The following PCDH15 variants were observed in gnomAD, a reference collection of about 807,000 sequenced individuals.
PCDH15 encodes the protein protocadherin related 15.
A neutral mutation model predicts 178.5 loss-of-function variants in PCDH15; 129 were observed. The ratio of observed to expected loss-of-function variants is 0.72; its 90% CI spans 0.63 to 0.84. The LOEUF is 0.84. PCDH15 is among the 40% of genes least tolerant of loss of function. The probability of loss-of-function intolerance (pLI) is 0.00; values close to 1 mark genes in which losing one functional copy is unlikely to be tolerated. For missense variants in PCDH15, 2,230 were observed against 2,099.9 expected (o/e 1.06, Z -1.21); for synonymous variants, 800 against 732.0 (o/e 1.09, Z -1.50).
intron 8 of PCDH15, among the ~76,000 whole-genome samples, chr10:54,242,426 C>T (rs1165270342): frequency 6.6e-6 from 1 of 151,460 alleles, no homozygotes; most frequent in African/African-American, 2.4e-5. Context: ...ATCCATAGAA[C>T]AATAAGATTT....
chr10:55,159,067 C>A (rs987937303), intron 2 of PCDH15, among the ~76,000 whole-genome samples: 15 of 151,862 alleles, frequency 9.9e-5, no homozygotes, highest in African/African-American at 3.6e-4. Flanking sequence ...GGCTGATGTC[C>A]TCAGTGGCTA....
intron 1 of PCDH15, among the ~76,000 whole-genome samples, chr10:55,258,758 C>CTTTTTTTTTTTTT (rs11398382): frequency 9.2e-6 from 1 of 108,160 alleles, no homozygotes; most frequent in Non-Finnish European, 1.8e-5. Flanking sequence ...TGTTTGTCTG[C>CTTTTTTTTTTTTT]TTTTTTTTTT....
intron 32 of PCDH15, chr10:53,822,869 T>G: frequency 1.9e-5 from 31 of 1,614,120 alleles, no homozygotes; most frequent in Non-Finnish European, 2.6e-5. Flanking sequence ...TGCTGCTACC[T>G]CTTTTGTTTG....
At chr10:55,221,609 C>T (rs2035084089) in intron 1 of PCDH15, among the ~76,000 whole-genome samples, 1 of 151,990 alleles carries the variant, frequency 6.6e-6, no homozygotes, top group South Asian at 2.1e-4. Flanking sequence ...TCATAAGATA[C>T]ATTCATTAAG....
intron 1 of PCDH15, among the ~76,000 whole-genome samples, chr10:54,707,904 A>G (rs1171104464): frequency 6.6e-6 from 1 of 152,208 alleles, no homozygotes; most frequent in Non-Finnish European, 1.5e-5. Context: ...TCAGAGCAGG[A>G]CTGCTTAGCC....
intron 17 of PCDH15, among the ~76,000 whole-genome samples, chr10:54,071,854 G>C (rs183620918): frequency 3.9e-5 from 6 of 152,024 alleles, no homozygotes; most frequent in Admixed American, 3.9e-4. Flanking sequence ...CTTTTCTATA[G>C]TCAACAAGAT....
intron 2 of PCDH15, among the ~76,000 whole-genome samples, chr10:54,659,155 C>T (rs562740263): frequency 2.4e-4 from 37 of 152,250 alleles, no homozygotes; most frequent in African/African-American, 8.7e-4. Context: ...CATACAATAA[C>T]AGCTGAAGTA....
At position 54,546,042 on chromosome 10, in the gene PCDH15, A is replaced by T. The variant is rs190541797; in HGVS notation, c.92-18165T>A. On this transcript the variant is annotated intron_variant, in intron 2 of 37. Coordinates refer to ENST00000644397, the MANE Select transcript of PCDH15 (RefSeq NM_001384140.1). ...GCAGCTGTGGTAGAGAAATTAGTGC[A>T]ACACCAGGTTATGATAGTTGCCATG... Among the ~76,000 whole-genome samples the T allele has an allele frequency of 3.9e-5, 6 of 152,358 alleles. No individual in the cohort carries two copies. In the East Asian group the frequency reaches 1.2e-3, roughly 29 times the overall value.
In PCDH15 at chr10:54,237,830, C is replaced by G. The variant is rs564949907; in HGVS notation, c.877-899G>C. Among the ~76,000 whole-genome samples, 7 of 152,270 alleles carry G rather than the reference C, an allele frequency of 4.6e-5. No individual in the cohort carries two copies. In the East Asian group the frequency reaches 1.2e-3, roughly 25 times the overall value. Reference sequence around the variant, plus strand: ...TAAAAAGCTTATCTACACAGATATGCTTGGGAAATATGATATTAAATACAG... The same window carrying G: ...TAAAAAGCTTATCTACACAGATATGGTTGGGAAATATGATATTAAATACAG... On this transcript the variant is annotated intron_variant, in intron 8 of 37. Transcript: ENST00000644397.
chr10:55,169,273 T>C (rs1839271253), intron 1 of PCDH15, among the ~76,000 whole-genome samples: 1 of 152,180 alleles, frequency 6.6e-6, no homozygotes, highest in Non-Finnish European at 1.5e-5. Flanking sequence ...GCACAGTGTA[T>C]ATATATTTGA....
rs766281167 is a variant in PCDH15, at chr10:53,804,054, T to TAA, written c.*2523_*2524dup. The TAA allele has an allele frequency of 1.4e-4, 22 of 151,984 alleles. No individual in the cohort carries two copies. Among genetic ancestry groups the TAA allele is most frequent in the Non-Finnish European group, 2.9e-4 (20 of 67,908 alleles). The allele number at this position is 151,984 out of a possible 1,614,324, so 9.4% of individuals were successfully genotyped here. A position where few individuals can be genotyped will look rare whatever the true frequency, so the allele number is the denominator to read the frequency against. On this transcript the variant is annotated 3_prime_UTR_variant, in exon 38 of 38. Transcript: ENST00000644397. ...TAGACTAGTGAAAGTTCTATGAAAG[T>TAA]AACTATTTAATTGATCCAGATTTAT...
intron 18 of PCDH15, among the ~76,000 whole-genome samples, chr10:54,029,320 GTTAA>G (rs1424878904): frequency 3.3e-5 from 5 of 152,144 alleles, no homozygotes; most frequent in South Asian, 2.1e-4. Flanking sequence ...TCAATTAAAA[GTTAA>G]TTAAATTTGT....
At chr10:54,480,933 C>T (rs11004332) in intron 3 of PCDH15, among the ~76,000 whole-genome samples, 13,646 of 151,682 alleles carry the variant, frequency 0.09, 790 homozygotes, top group East Asian at 0.27. Flanking sequence ...TTTTTTCTAT[C>T]GACAGTATAA....
chr10:53,846,130 G>C (rs1202636920), intron 28 of PCDH15, among the ~76,000 whole-genome samples: 1 of 151,574 alleles, frequency 6.6e-6, no homozygotes, highest in Non-Finnish European at 1.5e-5. Context: ...TATTTAAAAT[G>C]CAAATAGTAC....
intron 20 of PCDH15, among the ~76,000 whole-genome samples, chr10:54,017,689 AC>A (rs1341515280): frequency 2.0e-5 from 3 of 152,126 alleles, no homozygotes; most frequent in African/African-American, 7.2e-5. Flanking sequence ...ATTATTGGGT[AC>A]TATATTCACT....
chr10:55,625,578 A>C (rs750859760), intron 2 of PCDH15, among the ~76,000 whole-genome samples: 15 of 152,150 alleles, frequency 9.9e-5, no homozygotes, highest in Non-Finnish European at 2.2e-4. Context: ...CTTTGAGAAA[A>C]ACTGTTCTAG....
At chr10:55,375,604 A>C (rs1308878903) in intron 2 of PCDH15, among the ~76,000 whole-genome samples, 3 of 152,084 alleles carry the variant, frequency 2.0e-5, no homozygotes, top group Non-Finnish European at 4.4e-5. Context: ...TCCAAATAAA[A>C]GTTATCAGAT....
At chr10:54,063,756 G>T (rs1430623909) in intron 18 of PCDH15, among the ~76,000 whole-genome samples, 1 of 152,150 alleles carries the variant, frequency 6.6e-6, no homozygotes, top group Non-Finnish European at 1.5e-5. Context: ...GCAAGTGCAG[G>T]GTCTTGTCAC....
At chr10:54,376,219 T>C (rs944952679) in intron 4 of PCDH15, among the ~76,000 whole-genome samples, 18 of 151,950 alleles carry the variant, frequency 1.2e-4, no homozygotes, top group African/African-American at 4.1e-4. Context: ...TGATTCATTA[T>C]ATTCATAAAA....
Sources: allele counts gnomAD v4.1 joint callset (sites outside exome capture counted in the v4.1 genomes callset), GRCh38; gene constraint gnomAD v4.1.1; transcripts MANE v1.5; gene names NCBI Gene and HGNC (gene_info 2026-07-23, HGNC 2026-07-21).